CABIN1: variants seen among roughly 807,000 people sequenced by gnomAD.
CABIN1 encodes the protein calcineurin-binding protein cabin-1.
A neutral mutation model predicts 227.7 loss-of-function variants in CABIN1; 133 were observed. The observed-to-expected ratio is 0.58, with a 90% CI of 0.51 to 0.67. CABIN1 has a LOEUF of 0.67. Ranked by LOEUF, CABIN1 falls within the 30% of genes least tolerant of loss-of-function variation. The pLI is 0.00. For missense variants in CABIN1, 2,408 were observed against 2,852.5 expected (o/e 0.84, Z 3.55); for synonymous variants, 1,086 against 1,155.1 (o/e 0.94, Z 1.21).
At chr22:24,029,518 C>T (rs539536679) in intron 1 of CABIN1, among the ~76,000 whole-genome samples, 1 of 152,090 alleles carries the variant, frequency 6.6e-6, no homozygotes, top group African/African-American at 2.4e-5. Context: ...GATTGTGCCA[C>T]TGCACTCCAG....
intron 22 of CABIN1, among the ~76,000 whole-genome samples, chr22:24,086,619 A>G (rs1241130497): frequency 1.3e-5 from 2 of 152,228 alleles, no homozygotes; most frequent in African/African-American, 2.4e-5. Context: ...GACGATTGGC[A>G]TGTGTGAGGG....
intron 1 of CABIN1, among the ~76,000 whole-genome samples, chr22:24,029,532 G>C (rs1286269357): frequency 6.6e-6 from 1 of 151,998 alleles, no homozygotes; most frequent in East Asian, 1.9e-4. Flanking sequence ...ACTCCAGCCT[G>C]GGCAACAGAG....
chr22:24,027,492 A>G (rs1291740034), intron 1 of CABIN1, among the ~76,000 whole-genome samples: 1 of 152,100 alleles, frequency 6.6e-6, no homozygotes, highest in Non-Finnish European at 1.5e-5. Flanking sequence ...AGCTGTAAAT[A>G]CCTTTTATCA....
In CABIN1 at chr22:24,136,739, GCACA is replaced by G. The variant is rs200091743; in HGVS notation, c.4746+2349_4746+2352del. 2.7e-3 allele frequency among the ~76,000 whole-genome samples: 378 copies of G among 139,666 alleles called. 4 individuals are homozygous for G. Among genetic ancestry groups the G allele is most frequent in the African/African-American group, 6.1e-3 (233 of 38,258 alleles). 91.6% of individuals were successfully genotyped at this position (139,666 alleles called of 152,430 possible). A position where few individuals can be genotyped will look rare whatever the true frequency, so the allele number is the denominator to read the frequency against. ...CAAACAATACATCACACACACACAC[GCACA>G]CACACACACACACACACACACACAG... On this transcript the variant is annotated intron_variant, in intron 29 of 36. Transcript: ENST00000263119.
intron 1 of CABIN1, among the ~76,000 whole-genome samples, chr22:24,019,117 GTTGTTTT>G (rs2035512684): frequency 2.0e-5 from 2 of 97,950 alleles, no homozygotes; most frequent in Non-Finnish European, 4.0e-5. Flanking sequence ...TTCACTGAGT[GTTGTTTT>G]TTTTTTTTTT....
chr22:24,082,201 T>G (rs2040856484), intron 19 of CABIN1, among the ~76,000 whole-genome samples: 1 of 151,098 alleles, frequency 6.6e-6, no homozygotes, highest in African/African-American at 2.4e-5. Flanking sequence ...GCAGTCTTCC[T>G]GCCTTAGCCT....
intron 33 of CABIN1, among the ~76,000 whole-genome samples, chr22:24,170,772 G>A (rs1602489139): frequency 9.8e-6 from 1 of 102,056 alleles, no homozygotes; most frequent in African/African-American, 4.3e-5. Flanking sequence ...CCGCCCCCAT[G>A]CACTGAGGTA....
In CABIN1 at chr22:24,137,347, T is replaced by C. The variant is rs961007432; in HGVS notation, c.4746+2932T>C. ...GGCAGCCACATGCTCCAGGCCCCTTTCCCACTGGGCTCACTCCCTGCACCT... is the reference window on the plus strand; with the variant it reads ...GGCAGCCACATGCTCCAGGCCCCTTCCCCACTGGGCTCACTCCCTGCACCT... On this transcript the variant is annotated intron_variant, in intron 29 of 36. Coordinates refer to ENST00000263119, the MANE Select transcript of CABIN1 (RefSeq NM_012295.4). Among the ~76,000 whole-genome samples, 11 of 152,264 alleles carry C rather than the reference T, an allele frequency of 7.2e-5. 1 individual carries two copies. The highest frequency in any genetic ancestry group is 5.2e-4 in the Admixed American group (8 of 15,294).
chr22:24,080,654 G>A (rs570723671), intron 19 of CABIN1, among the ~76,000 whole-genome samples: 9 of 151,840 alleles, frequency 5.9e-5, no homozygotes, highest in South Asian at 4.2e-4. Context: ...AAATTGTTGC[G>A]TATATTTTGT....
chr22:24,098,302 C>G, intron 26 of CABIN1, 110 bp downstream of exon 26: 1 of 1,587,268 alleles, frequency 6.3e-7, no homozygotes, highest in Non-Finnish European at 8.6e-7. Context: ...GGTGCTGGGT[C>G]TGGGGTGACA....
In CABIN1 at chr22:24,167,038, A is replaced by T; in HGVS notation, c.5407A>T (p.Ser1803Cys). ...CACTGAGCTGTCCCTGGAGGAGCTGAGCATCAGTGCCCGGCAGCAGCCCAC... is the reference window on the plus strand; with the variant it reads ...CACTGAGCTGTCCCTGGAGGAGCTGTGCATCAGTGCCCGGCAGCAGCCCAC... ...RPTELSLEELSISARQQPTPL... is the reference protein window; with the variant it reads ...RPTELSLEELCISARQQPTPL... The change falls in exon 32 of 37, where the codon AGC becomes TGC. Residue 1803 changes from serine (S) to cysteine (C), a missense_variant. By Grantham distance (112) the Ser-to-Cys change is moderately radical. Coordinates refer to ENST00000263119, the MANE Select transcript of CABIN1 (RefSeq NM_012295.4). 6.5e-7 allele frequency: 1 copy of T among 1,549,390 alleles called. No individual in the cohort carries two copies. Among genetic ancestry groups the T allele is most frequent in the Non-Finnish European group, 8.7e-7 (1 of 1,147,202 alleles).
At chr22:24,063,180 C>G (rs761796571) in intron 14 of CABIN1, 34 bp downstream of exon 14, 1 of 1,607,010 alleles carries the variant, frequency 6.2e-7, no homozygotes, top group East Asian at 2.2e-5. Flanking sequence ...GGGGAGCATG[C>G]CCTGACACCC....
intron 8 of CABIN1, 80 bp from the exon 9 acceptor site, chr22:24,054,793 G>T (rs761553593): frequency 2.5e-6 from 4 of 1,584,310 alleles, no homozygotes; most frequent in Non-Finnish European, 3.5e-6. Flanking sequence ...CCGCCTCTGT[G>T]CAGGCAGGCC....
chr22:24,066,654 T>C (rs933394053), intron 15 of CABIN1, among the ~76,000 whole-genome samples: 14 of 152,200 alleles, frequency 9.2e-5, no homozygotes, highest in South Asian at 2.1e-4. Flanking sequence ...TCCGCAGTTC[T>C]GCAAGACTGG....
At position 24,011,312 on chromosome 22, in the gene CABIN1, C is replaced by G. The variant is rs532114113; in HGVS notation, c.-130C>G. 1 of 152,408 alleles carries G rather than the reference C, an allele frequency of 6.6e-6. No individual in the cohort carries two copies. The highest frequency in any genetic ancestry group is 2.4e-5 in the African/African-American group (1 of 41,578). The allele number at this position is 152,408 out of a possible 1,614,324, so 9.4% of individuals were successfully genotyped here. ...TGGGAGCACGCCTTGTTGTCAGGCG[C>G]GCAGCCGGACGGCGCGGTGGTCGGG... On this transcript the variant is annotated 5_prime_UTR_variant, in exon 1 of 37. Transcript: ENST00000263119.
At chr22:24,166,289 G>A (rs886702343) in intron 31 of CABIN1, among the ~76,000 whole-genome samples, 5 of 152,190 alleles carry the variant, frequency 3.3e-5, no homozygotes, top group Admixed American at 2.6e-4. Context: ...AGAGCTGCCC[G>A]GAGTTCACGT....
chr22:24,175,348 A>G lies in CABIN1; in HGVS notation c.6041-763A>G, dbSNP rs145028022. Among the ~76,000 whole-genome samples, 867 of 152,288 alleles carry G rather than the reference A, an allele frequency of 5.7e-3. 4 individuals are homozygous for G. The highest frequency in any genetic ancestry group is 7.3e-3 in the Non-Finnish European group (495 of 68,006). On this transcript the variant is annotated intron_variant, in intron 34 of 36. Coordinates refer to ENST00000263119, the MANE Select transcript of CABIN1 (RefSeq NM_012295.4). ...GAGCTGTCACTCCTGCTGACCAAGG[A>G]GGGGAGCTGGCTCCCCCTGCTGGAG...
chr22:24,064,650 A>G (rs2039470061), intron 15 of CABIN1, among the ~76,000 whole-genome samples: 1 of 150,652 alleles, frequency 6.6e-6, no homozygotes, highest in Non-Finnish European at 1.5e-5. Context: ...TTTCCTAGGC[A>G]GAGGACCCTG....
chr22:24,018,404 A>G (rs1027193967), intron 1 of CABIN1, among the ~76,000 whole-genome samples: 34 of 152,224 alleles, frequency 2.2e-4, no homozygotes, highest in African/African-American at 7.7e-4. Context: ...TACAAAGGTT[A>G]AAGAGGAATT....
Sources: allele counts gnomAD v4.1 joint callset (sites outside exome capture counted in the v4.1 genomes callset), GRCh38; gene constraint gnomAD v4.1.1; transcripts MANE v1.5; gene names NCBI Gene and HGNC (gene_info 2026-07-23, HGNC 2026-07-21).